Variants in ADCY2 observed in about 807,000 individuals in gnomAD.
The protein encoded by ADCY2 is adenylate cyclase type 2.
In ADCY2, 31 loss-of-function variants were observed where a neutral mutation model predicts 125.2. That is an observed-to-expected ratio of 0.25 (90% confidence interval 0.19 to 0.33). The LOEUF (loss-of-function observed/expected upper bound fraction) is 0.33, where lower values mean the gene tolerates loss of function less well. Ranked by LOEUF, ADCY2 falls within the 10% of genes least tolerant of loss-of-function variation. The pLI, the probability that ADCY2 is intolerant of heterozygous loss-of-function variation, is 1.00. For missense variants in ADCY2, 904 were observed against 1,418.2 expected, an observed-to-expected ratio of 0.64 and a Z score of 5.82; for synonymous variants, 512 against 548.4, an observed-to-expected ratio of 0.93 and a Z score of 0.93.
intron 2 of ADCY2, among the ~76,000 whole-genome samples, chr5:7,449,018 G>A (rs990599071): frequency 5.9e-5 from 9 of 152,174 alleles, no homozygotes; most frequent in Non-Finnish European, 1.0e-4. Context: ...TGGGTCAAAT[G>A]GTATTTCTGC....
At chr5:7,424,593 G>A (rs1302951872) in intron 2 of ADCY2, among the ~76,000 whole-genome samples, 1 of 152,236 alleles carries the variant, frequency 6.6e-6, no homozygotes, top group Non-Finnish European at 1.5e-5. Context: ...TTGGGTTGAT[G>A]TTATTTGGAA....
intron 2 of ADCY2, among the ~76,000 whole-genome samples, chr5:7,471,955 T>C (rs1742355104): frequency 6.6e-6 from 1 of 152,128 alleles, no homozygotes; most frequent in Non-Finnish European, 1.5e-5. Flanking sequence ...TGGAGGCCTC[T>C]TTTTGTTTTT....
intron 18 of ADCY2, chr5:7,782,228 C>T (rs530430520): frequency 6.0e-6 from 1 of 167,302 alleles, no homozygotes; most frequent in South Asian, 2.1e-4. Flanking sequence ...CCCCTCCACC[C>T]ACCACTATTC....
chr5:7,673,269 A>AAAATATATATAT (rs1554030659), intron 4 of ADCY2, among the ~76,000 whole-genome samples: 1 of 3,932 alleles, frequency 2.5e-4, no homozygotes, highest in Non-Finnish European at 5.5e-4. Context: ...AAAAAAAAAA[A>AAAATATATATAT]ATATATATAT....
chr5:7,610,924 A>G (rs1737554485), intron 3 of ADCY2, among the ~76,000 whole-genome samples: 1 of 152,144 alleles, frequency 6.6e-6, no homozygotes, highest in African/African-American at 2.4e-5. Context: ...GCTTTTCTTC[A>G]TTTCGGTTCT....
At chr5:7,499,648 G>GAGATAT (rs1554014326) in intron 2 of ADCY2, among the ~76,000 whole-genome samples, 1 of 118,432 alleles carries the variant, frequency 8.4e-6, no homozygotes, top group Non-Finnish European at 1.7e-5. Flanking sequence ...TATGTGGGTG[G>GAGATAT]ATATATATAT....
intron 16 of ADCY2, among the ~76,000 whole-genome samples, chr5:7,760,067 A>G (rs774094587): frequency 6.6e-6 from 1 of 152,234 alleles, no homozygotes; most frequent in Non-Finnish European, 1.5e-5. Flanking sequence ...ACGAGCCACA[A>G]GAATGCCTCA....
At chr5:7,561,284 C>T (rs113486350) in intron 3 of ADCY2, among the ~76,000 whole-genome samples, 9 of 152,108 alleles carry the variant, frequency 5.9e-5, no homozygotes, top group African/African-American at 1.4e-4. Flanking sequence ...CATCATTGTG[C>T]GAACATCATA....
At chr5:7,458,930 A>G (rs7712809) in intron 2 of ADCY2, among the ~76,000 whole-genome samples, 13,337 of 152,212 alleles carry the variant, frequency 0.088, 1,001 homozygotes, top group African/African-American at 0.21. Flanking sequence ...GACTGGCCAG[A>G]ATGACTTTGG....
At position 7,641,853 on chromosome 5, in the gene ADCY2, T is replaced by C. The variant is rs1738722830; in HGVS notation, c.720+15537T>C. On this transcript the variant is annotated intron_variant, in intron 4 of 24. Transcript: ENST00000338316. ...CATCCATGGTGCTGGAAAGGACTGA[T>C]TTTATTCTTTTTTATGGCTGCATAG... 2.0e-5 allele frequency among the ~76,000 whole-genome samples: 3 copies of C among 152,112 alleles called. No individual in the cohort carries two copies. The South Asian group carries it at 6.2e-4, about 32-fold the overall frequency.
chr5:7,482,870 C>G (rs2126475947), intron 2 of ADCY2, among the ~76,000 whole-genome samples: 1 of 150,702 alleles, frequency 6.6e-6, no homozygotes, highest in Middle Eastern at 3.5e-3. Context: ...CTCTCATTTG[C>G]AGCAACGTGG....
intron 3 of ADCY2, among the ~76,000 whole-genome samples, chr5:7,575,349 T>C (rs897779578): frequency 6.6e-6 from 1 of 152,098 alleles, no homozygotes; most frequent in Admixed American, 6.6e-5. Flanking sequence ...CACAAAACTG[T>C]TTTTTAAAAA....
chr5:7,622,812 G>T (rs772211856), intron 3 of ADCY2, among the ~76,000 whole-genome samples: 1 of 152,222 alleles, frequency 6.6e-6, no homozygotes, highest in Non-Finnish European at 1.5e-5. Flanking sequence ...TGTGCACAGG[G>T]CCAGGCAGCA....
chr5:7,414,814 T>G (rs757789496), intron 2 of ADCY2, 44 bp downstream of exon 2: 145 of 1,534,784 alleles, frequency 9.4e-5, no homozygotes, highest in Non-Finnish European at 1.1e-4. Context: ...ATGTCTTGAT[T>G]TGTGACATAC....
chr5:7,534,922 C>T (rs1579546917), intron 3 of ADCY2, among the ~76,000 whole-genome samples: 1 of 152,232 alleles, frequency 6.6e-6, no homozygotes, highest in East Asian at 1.9e-4. Context: ...GTATCATAGT[C>T]ATATCATATT....
chr5:7,694,416 G>A (rs1030039543), intron 5 of ADCY2, among the ~76,000 whole-genome samples: 13 of 151,744 alleles, frequency 8.6e-5, no homozygotes, highest in Admixed American at 3.3e-4. Flanking sequence ...CTAAAGCTCC[G>A]AACCCATTAA....
At chr5:7,603,166 C>T (rs1045472909) in intron 3 of ADCY2, among the ~76,000 whole-genome samples, 2 of 152,218 alleles carry the variant, frequency 1.3e-5, no homozygotes, top group Non-Finnish European at 2.9e-5. Context: ...GCCGTTCCTT[C>T]CTGAGGCTGA....
intron 20 of ADCY2, among the ~76,000 whole-genome samples, chr5:7,790,009 A>T (rs1744203037): frequency 6.6e-6 from 1 of 152,146 alleles, no homozygotes; most frequent in South Asian, 2.1e-4. Flanking sequence ...GGTTAGAATG[A>T]CCTCTAAAAG....
intron 5 of ADCY2, among the ~76,000 whole-genome samples, chr5:7,692,602 G>C (rs1471603232): frequency 6.6e-6 from 1 of 152,044 alleles, no homozygotes; most frequent in African/African-American, 2.4e-5. Context: ...GCTCTTTCTA[G>C]CCTTAAATGT....
Sources: gnomAD v4.1 joint callset for allele counts (sites outside exome capture counted in the v4.1 genomes callset) on GRCh38, gnomAD v4.1.1 for gene constraint, MANE v1.5 for transcripts, NCBI Gene and HGNC (gene_info 2026-07-23, HGNC 2026-07-21) for gene names.